KLC1: variants seen among roughly 807,000 people sequenced by gnomAD.
KLC1 encodes kinesin light chain 1, also known as kinesin 2 60/70kDa.
A neutral mutation model predicts 84.2 loss-of-function variants in KLC1; 30 were observed. The observed-to-expected ratio is 0.36, with a 90% confidence interval of 0.27 to 0.48. The LOEUF (loss-of-function observed/expected upper bound fraction) is 0.48, where lower values mean the gene tolerates loss of function less well. Among genes scored for constraint, KLC1 ranks in the 20% least tolerant of loss-of-function variants. The pLI, the probability that KLC1 is intolerant of heterozygous loss-of-function variation, is 0.99. For synonymous variants in KLC1, 289 were observed against 293.3 expected (o/e 0.99, Z 0.15); for missense variants, 499 against 805.4 (o/e 0.62, Z 4.60).
chr14:103,641,735 A>C (rs2077508438), intron 1 of KLC1, among the ~76,000 whole-genome samples: 1 of 150,952 alleles, frequency 6.6e-6, no homozygotes, highest in South Asian at 2.1e-4. Flanking sequence ...CCCAGGCTCA[A>C]TTCATCCTCC....
At chr14:103,633,757 A>G (rs2076857672) in intron 1 of KLC1, among the ~76,000 whole-genome samples, 1 of 152,040 alleles carries the variant, frequency 6.6e-6, no homozygotes, top group African/African-American at 2.4e-5. Flanking sequence ...AACCAAACCC[A>G]TTCTTGTAGT....
At chr14:103,652,955 C>T (rs930255094) in intron 1 of KLC1, among the ~76,000 whole-genome samples, 2 of 152,072 alleles carry the variant, frequency 1.3e-5, no homozygotes, top group Admixed American at 6.6e-5. Flanking sequence ...CTAACGTGAC[C>T]CTATTCTCAA....
At chr14:103,701,176 C>G (rs368021268) in intron 16 of KLC1, 25 bp from the exon 17 acceptor site, 23 of 1,550,418 alleles carry the variant, frequency 1.5e-5, no homozygotes, top group Non-Finnish European at 1.8e-5. Flanking sequence ...GCGGCCCAGC[C>G]CTGACCTTCT....
chr14:103,685,309 A>C, intron 13 of KLC1: 1 of 1,320,196 alleles, frequency 7.6e-7, no homozygotes, highest in South Asian at 1.6e-5. Flanking sequence ...TAATCTCCTT[A>C]TATACAGTTA....
intron 5 of KLC1, among the ~76,000 whole-genome samples, chr14:103,663,971 C>T (rs1306712048): frequency 6.6e-6 from 1 of 152,114 alleles, no homozygotes; most frequent in Admixed American, 6.5e-5. Context: ...AATAAAAACA[C>T]ACAAATAAGA....
chr14:103,666,772 T>G (rs2079880852), intron 5 of KLC1, among the ~76,000 whole-genome samples: 1 of 123,360 alleles, frequency 8.1e-6, no homozygotes, highest in Non-Finnish European at 1.8e-5. Context: ...CCATTTTTTT[T>G]CTTTCTTTTT....
At chr14:103,667,527 G>T (rs1191499343) in intron 5 of KLC1, among the ~76,000 whole-genome samples, 1 of 151,960 alleles carries the variant, frequency 6.6e-6, no homozygotes, top group Non-Finnish European at 1.5e-5. Context: ...GTAGAGATGG[G>T]GTTTCACTGT....
At chr14:103,652,793 C>T (rs1425573805) in intron 1 of KLC1, among the ~76,000 whole-genome samples, 2 of 152,098 alleles carry the variant, frequency 1.3e-5, no homozygotes, top group East Asian at 3.9e-4. Flanking sequence ...GCCCGGTCGG[C>T]GTTTGTTGTT....
chr14:103,654,962 C>A lies in KLC1; in HGVS notation c.261+137C>A, dbSNP rs1836473947. The stretch of plus-strand genomic sequence containing the variant: ...GATCCAGGCCGAGTGCGGTGTGGCT[C>A]AGGCCTGTAATCCAAGCACTTTGGG... On this transcript the variant is annotated intron_variant, in intron 2 of 16. Transcript: ENST00000334553. The A allele has an allele frequency of 6.1e-6, 6 of 990,282 alleles. 1 individual carries two copies. The South Asian group carries it at 8.7e-5, about 14-fold the overall frequency. 61.3% of individuals were successfully genotyped at this position (990,282 alleles called of 1,614,324 possible). A position where few individuals can be genotyped will look rare whatever the true frequency, so the allele number is the denominator to read the frequency against.
chr14:103,699,453 C>T lies in KLC1; in HGVS notation c.1849-1202C>T, dbSNP rs777604903. On this transcript the variant is annotated intron_variant, in intron 15 of 16. Coordinates refer to ENST00000334553, the MANE Select transcript of KLC1 (RefSeq NM_001394837.1). ...GACTGCAGATGCCTGGCCCTGGGGG[C>T]GGAGGCCTGGCTGTCAAATTCACAG... is the stretch of plus-strand genomic sequence containing the variant. 25 of 1,612,626 alleles carry T rather than the reference C, an allele frequency of 1.6e-5. No homozygotes were observed. Among genetic ancestry groups the T allele is most frequent in the African/African-American group, 1.2e-4 (9 of 74,900 alleles).
chr14:103,676,282 T>C (rs2080867812), intron 11 of KLC1, among the ~76,000 whole-genome samples: 1 of 152,140 alleles, frequency 6.6e-6, no homozygotes. Context: ...CTATTTTTTT[T>C]TTTGAGATGG....
At chr14:103,649,531 C>G (rs970337984) in intron 1 of KLC1, among the ~76,000 whole-genome samples, 1 of 140,408 alleles carries the variant, frequency 7.1e-6, no homozygotes, top group African/African-American at 2.7e-5. Flanking sequence ...GAGTTTTAGA[C>G]CAGCCTGGGC....
rs2151520966 is a variant in KLC1, at chr14:103,657,646, G to A, written c.362G>A (p.Arg121Gln). 3 of 1,614,152 alleles carry A rather than the reference G, an allele frequency of 1.9e-6. No individual in the cohort carries two copies. The highest frequency in any genetic ancestry group is 2.5e-6 in the Non-Finnish European group (3 of 1,180,030). ...RRLCQENQWL[R>Q]DELANTQQKL... ...CTGTGCCAGGAGAATCAGTGGCTAC[G>A]GGATGAACTGGCCAACACGCAGCAG... Residue 121 changes from arginine (R) to glutamine (Q), a missense_variant, in exon 3 of 17, where the codon CGG becomes CAG. Arg to Gln is a conservative substitution (Grantham distance 43). Transcript: ENST00000334553.
At chr14:103,655,555 G>A (rs1194452637) in intron 2 of KLC1, among the ~76,000 whole-genome samples, 1 of 152,034 alleles carries the variant, frequency 6.6e-6, no homozygotes. Flanking sequence ...ACCTGCCTCA[G>A]CAAAGTGTTG....
At chr14:103,698,515 C>T (rs2082769356) in intron 15 of KLC1, 1 of 494,742 alleles carries the variant, frequency 2.0e-6, no homozygotes, top group South Asian at 2.1e-5. Flanking sequence ...GGCTCCAGCC[C>T]TGAGAATCAC....
At chr14:103,635,726 C>G (rs1264028437) in intron 1 of KLC1, among the ~76,000 whole-genome samples, 2 of 151,616 alleles carry the variant, frequency 1.3e-5, no homozygotes, top group Non-Finnish European at 2.9e-5. Flanking sequence ...GCACTCCAGC[C>G]TGGGCGACAG....
intron 3 of KLC1, among the ~76,000 whole-genome samples, chr14:103,658,433 T>G (rs1171428161): frequency 5.6e-5 from 8 of 142,416 alleles, no homozygotes; most frequent in Non-Finnish European, 1.2e-4. Flanking sequence ...GCTAAGTTTT[T>G]TTTTTTTTTT....
intron 1 of KLC1, among the ~76,000 whole-genome samples, chr14:103,634,927 T>C (rs2076942205): frequency 6.6e-6 from 1 of 152,182 alleles, no homozygotes; most frequent in Non-Finnish European, 1.5e-5. Context: ...TGGAGGCTAT[T>C]TCGAGATGAT....
Position 103,637,132 on chromosome 14 carries a change from C to T in KLC1, c.-2+7638C>T, listed in dbSNP as rs114610888. ...AGCCGTTTGCCAGATATATATGTGT[C>T]GCAAATATTTTTTCCTAATCTATGG... On this transcript the variant is annotated intron_variant, in intron 1 of 16. Transcript: ENST00000334553. 1.3e-3 allele frequency among the ~76,000 whole-genome samples: 199 copies of T among 151,640 alleles called. 1 individual carries two copies. Among genetic ancestry groups the T allele is most frequent in the African/African-American group, 4.3e-3 (179 of 41,326 alleles).
Sources: gnomAD v4.1 joint callset for allele counts (sites outside exome capture counted in the v4.1 genomes callset) on GRCh38, gnomAD v4.1.1 for gene constraint, MANE v1.5 for transcripts, NCBI Gene and HGNC (gene_info 2026-07-23, HGNC 2026-07-21) for gene names.